Variants in LINGO2 observed in about 807,000 individuals in gnomAD.
The protein encoded by LINGO2 is leucine rich repeat and Ig domain containing 2, also known as leucine-rich repeat and immunoglobulin-like domain-containing nogo receptor-interacting protein 2.
Under a neutral mutation model 30.6 loss-of-function variants are expected in LINGO2, and 14 were observed. The ratio of observed to expected loss-of-function variants is 0.46; its 90% CI spans 0.30 to 0.72. The LOEUF (loss-of-function observed/expected upper bound fraction) is 0.72, where lower values mean the gene tolerates loss of function less well. Ranked by LOEUF, LINGO2 falls within the 30% of genes least tolerant of loss-of-function variation. The pLI is 0.07. For synonymous variants in LINGO2, 317 were observed against 288.5 expected (o/e 1.10, Z -1.00); for missense variants, 729 against 751.7 (o/e 0.97, Z 0.35).
chr9:28,829,006 C>T, the LINGO2 span, among the ~76,000 whole-genome samples: 1 of 152,080 alleles, frequency 6.6e-6, no homozygotes, highest in African/African-American at 2.4e-5. Context: ...TTTCCTTGCT[C>T]GAATGTTGCC....
At chr9:28,999,546 A>G in the LINGO2 span, among the ~76,000 whole-genome samples, 1 of 152,074 alleles carries the variant, frequency 6.6e-6, no homozygotes, top group Non-Finnish European at 1.5e-5. Flanking sequence ...AATTCTTGTA[A>G]TAACTTCATA....
chr9:28,728,548 A>G, the LINGO2 span, among the ~76,000 whole-genome samples: 381 of 152,282 alleles, frequency 2.5e-3, 1 homozygote, highest in African/African-American at 8.8e-3. Context: ...ATATCCATAA[A>G]ATAAACTGTA....
intron 4 of LINGO2, among the ~76,000 whole-genome samples, chr9:28,060,413 T>A (rs1313433689): frequency 6.6e-6 from 1 of 152,192 alleles, no homozygotes; most frequent in Non-Finnish European, 1.5e-5. Context: ...GTGCCAGTAC[T>A]TTTGTAAGTG....
At chr9:28,900,344 G>A in the LINGO2 span, among the ~76,000 whole-genome samples, 3 of 152,068 alleles carry the variant, frequency 2.0e-5, no homozygotes, top group Admixed American at 6.6e-5. Context: ...CTTATCTCAG[G>A]GTCTATTTAG....
At chr9:28,425,064 A>T (rs1823348473) in intron 2 of LINGO2, among the ~76,000 whole-genome samples, 1 of 151,766 alleles carries the variant, frequency 6.6e-6, no homozygotes, top group Non-Finnish European at 1.5e-5. Context: ...TAAATTTTCT[A>T]CCACAGTGCA....
intron 2 of LINGO2, among the ~76,000 whole-genome samples, chr9:28,429,503 G>C (rs1823558833): frequency 6.6e-6 from 1 of 152,014 alleles, no homozygotes; most frequent in East Asian, 1.9e-4. Flanking sequence ...TAACATCTAG[G>C]AGAGAACTAC....
At chr9:29,133,610 A>G in the LINGO2 span, among the ~76,000 whole-genome samples, 1 of 152,204 alleles carries the variant, frequency 6.6e-6, no homozygotes, top group East Asian at 1.9e-4. Context: ...AAAATGCAAA[A>G]TTTCAAAGAA....
intron 4 of LINGO2, among the ~76,000 whole-genome samples, chr9:28,076,824 A>G (rs1825637309): frequency 6.6e-6 from 1 of 152,132 alleles, no homozygotes; most frequent in Non-Finnish European, 1.5e-5. Flanking sequence ...GTTACCTGTC[A>G]AACTCATTTC....
At chr9:28,600,007 C>T (rs937240407) in intron 1 of LINGO2, among the ~76,000 whole-genome samples, 1 of 151,944 alleles carries the variant, frequency 6.6e-6, no homozygotes, top group East Asian at 1.9e-4. Context: ...TAAATGAATA[C>T]AAAATGCTTT....
chr9:28,962,191 C>G, the LINGO2 span, among the ~76,000 whole-genome samples: 1 of 152,066 alleles, frequency 6.6e-6, no homozygotes, highest in African/African-American at 2.4e-5. Context: ...CCAATGTTTA[C>G]CAGGTGGTAG....
At chr9:29,038,661 G>C in the LINGO2 span, among the ~76,000 whole-genome samples, 1 of 114,924 alleles carries the variant, frequency 8.7e-6, no homozygotes, top group East Asian at 2.5e-4. Context: ...ATTAAACAGA[G>C]TTCACTACTC....
chr9:28,929,107 A>G, the LINGO2 span, among the ~76,000 whole-genome samples: 1 of 152,184 alleles, frequency 6.6e-6, no homozygotes, highest in African/African-American at 2.4e-5. Flanking sequence ...ATATTTTGAG[A>G]TATTTACTTG....
chr9:28,932,170 GC>G, the LINGO2 span, among the ~76,000 whole-genome samples: 42 of 76,790 alleles, frequency 5.5e-4, no homozygotes, highest in African/African-American at 9.1e-4. Context: ...AGTGGCGGGG[GC>G]CGGGGGGGAT....
At chr9:28,512,591 GTGTATATATATA>G (rs1297116602) in intron 1 of LINGO2, among the ~76,000 whole-genome samples, 12 of 15,826 alleles carry the variant, frequency 7.6e-4, no homozygotes, top group African/African-American at 3.0e-3. Flanking sequence ...ATATATATGT[GTGTATATATATA>G]TATATATATA....
intron 5 of LINGO2, among the ~76,000 whole-genome samples, chr9:27,984,752 G>A (rs1490872318): frequency 6.6e-6 from 1 of 151,750 alleles, no homozygotes; most frequent in African/African-American, 2.4e-5. Flanking sequence ...CTTTTACTGA[G>A]ATCATGTGAT....
At chr9:28,216,757 T>C (rs145541477) in intron 4 of LINGO2, among the ~76,000 whole-genome samples, 3 of 152,048 alleles carry the variant, frequency 2.0e-5, no homozygotes, top group African/African-American at 7.2e-5. Flanking sequence ...AAATGGCTCA[T>C]TTATGATCAT....
rs1011047257 is a variant in LINGO2, at chr9:28,049,190, T to C, written c.-86-36785A>G. ...ACAACATCAAGAGCTCTGTGGCCCA[T>C]AGTCATCCCTTGTACTCACCCAGCA... On this transcript the variant is annotated intron_variant, in intron 4 of 5. Transcript: ENST00000379992. 2.6e-5 allele frequency among the ~76,000 whole-genome samples: 4 copies of C among 150,946 alleles called. No individual in the cohort carries two copies. The East Asian group carries it at 5.9e-4, about 22-fold the overall frequency.
chr9:29,093,295 T>C, the LINGO2 span, among the ~76,000 whole-genome samples: 1 of 133,004 alleles, frequency 7.5e-6, no homozygotes, highest in Non-Finnish European at 1.6e-5. Context: ...TTTCAAGAAT[T>C]GAGTAGGGTA....
At chr9:28,650,297 A>G (rs1414633373) in intron 1 of LINGO2, among the ~76,000 whole-genome samples, 3 of 152,152 alleles carry the variant, frequency 2.0e-5, no homozygotes, top group African/African-American at 7.2e-5. Context: ...CTAAGAAAGC[A>G]GATTGAGTTG....
Sources: gnomAD v4.1 joint callset for allele counts (sites outside exome capture counted in the v4.1 genomes callset) on GRCh38, gnomAD v4.1.1 for gene constraint, MANE v1.5 for transcripts, NCBI Gene and HGNC (gene_info 2026-07-23, HGNC 2026-07-21) for gene names.